The following SYCE1L variants were observed in gnomAD, a reference collection of about 807,000 sequenced individuals.
SYCE1L encodes the protein synaptonemal complex central element protein 1 like, also known as synaptonemal complex central element protein 1-like.
A neutral mutation model predicts 39.6 loss-of-function variants in SYCE1L; 51 were observed. That is an observed-to-expected ratio of 1.29 (90% CI 1.03 to 1.63). The LOEUF is 1.63. SYCE1L is among the 40% of genes most tolerant of loss of function. The probability of loss-of-function intolerance (pLI) is 0.00; values close to 1 mark genes in which losing one functional copy is unlikely to be tolerated. For synonymous variants in SYCE1L, 147 were observed against 122.4 expected (o/e 1.20, Z -1.33); for missense variants, 426 against 304.9 (o/e 1.40, Z -2.96).
At chr16:77,208,104 T>G in intron 2 of SYCE1L, 106 bp from the exon 3 acceptor site, 1 of 1,176,358 alleles carries the variant, frequency 8.5e-7, no homozygotes, top group Non-Finnish European at 1.2e-6. Flanking sequence ...AGGCGCTCAA[T>G]ATATGCCGGT....
chr16:77,207,364 A>C (rs890383851), intron 2 of SYCE1L, among the ~76,000 whole-genome samples: 1 of 152,166 alleles, frequency 6.6e-6, no homozygotes, highest in Non-Finnish European at 1.5e-5. Flanking sequence ...GCAACCTTGA[A>C]GCCAGAGAGG....
At position 77,211,223 on chromosome 16, in the gene SYCE1L, A is replaced by T; in HGVS notation, c.370A>T (p.Arg124Ter). The change falls in exon 7 of 11, where the codon AGA becomes TGA. Residue 124 changes from arginine to a stop codon, truncating the protein, a stop_gained. Coordinates refer to ENST00000378644, the MANE Select transcript of SYCE1L (RefSeq NM_001129979.3). LOFTEE classifies it high-confidence loss of function. ...GGTGTCGGCCTCCAGGTTGGATGTC[A>T]GAGGACAGCTGGAGGATCTGATGGG... is the stretch of plus-strand genomic sequence containing the variant. ...KESEAQRLDV[R>*]GQLEDLMGQH... is the part of the protein sequence containing the mutation. The T allele has an allele frequency of 6.4e-7, 1 of 1,551,978 alleles. No homozygotes were observed. Among genetic ancestry groups the T allele is most frequent in the Non-Finnish European group, 8.7e-7 (1 of 1,147,068 alleles).
intron 7 of SYCE1L, among the ~76,000 whole-genome samples, 162 bp from the exon 8 acceptor site, chr16:77,211,968 G>C (rs755255): frequency 0.1 from 15,807 of 152,050 alleles, 1,027 homozygotes; most frequent in East Asian, 0.29. Flanking sequence ...GAGGTGGGTG[G>C]GTCTCCAGCC....
intron 2 of SYCE1L, 149 bp from the exon 3 acceptor site, chr16:77,208,061 T>G: frequency 2.6e-6 from 2 of 762,062 alleles, no homozygotes; most frequent in Non-Finnish European, 4.1e-6. Flanking sequence ...ATGCAAGCCC[T>G]TCAAGGGGCT....
intron 1 of SYCE1L, chr16:77,201,402 A>T (rs1197985486): frequency 6.6e-6 from 1 of 152,246 alleles, no homozygotes; most frequent in East Asian, 1.9e-4. Context: ...AAATTGAAGG[A>T]TGTATCAAGT....
intron 8 of SYCE1L, 23 bp downstream of exon 8, chr16:77,212,222 G>C (rs2054828122): frequency 1.3e-6 from 2 of 1,544,454 alleles, no homozygotes; most frequent in Non-Finnish European, 1.7e-6. Flanking sequence ...CGCCAGGTGG[G>C]CGGGGGGAGG....
intron 1 of SYCE1L, among the ~76,000 whole-genome samples, chr16:77,203,548 A>G (rs2054761793): frequency 6.6e-6 from 1 of 151,566 alleles, no homozygotes; most frequent in Admixed American, 6.6e-5. Flanking sequence ...TTCAGCCTGC[A>G]AACATGCTGT....
At chr16:77,212,075 G>A in intron 7 of SYCE1L, 55 bp from the exon 8 acceptor site, 4 of 1,512,664 alleles carry the variant, frequency 2.6e-6, no homozygotes, top group Non-Finnish European at 3.5e-6. Context: ...GGGAGGGGCG[G>A]GCCGTGTAGC....
At chr16:77,199,594 A>G in intron 1 of SYCE1L, 82 bp downstream of exon 1, 1 of 1,089,086 alleles carries the variant, frequency 9.2e-7, no homozygotes, top group Non-Finnish European at 1.3e-6. Context: ...ACAATAATGA[A>G]ATAATGATAT....
rs562507896 is a variant in SYCE1L at position 77,213,026 on chromosome 16, T to A, written c.*95T>A. ...CCATGCTCGCGTTCTCCGCGGAGTCTGTGCTACACCGTGGAGCGGGGCGGG... is the reference window on the plus strand; with the variant it reads ...CCATGCTCGCGTTCTCCGCGGAGTCAGTGCTACACCGTGGAGCGGGGCGGG... On this transcript the variant is annotated 3_prime_UTR_variant, in exon 11 of 11. Coordinates refer to ENST00000378644, the MANE Select transcript of SYCE1L (RefSeq NM_001129979.3). The A allele has an allele frequency of 6.6e-6, 8 of 1,217,752 alleles. No homozygotes were observed. The South Asian group carries it at 1.1e-4, about 16-fold the overall frequency. 75.4% of individuals were successfully genotyped at this position (1,217,752 alleles called of 1,614,324 possible).
chr16:77,207,706 T>C (rs1261667004), intron 2 of SYCE1L, among the ~76,000 whole-genome samples: 1 of 152,140 alleles, frequency 6.6e-6, no homozygotes, highest in Non-Finnish European at 1.5e-5. Flanking sequence ...CCACCTTACT[T>C]TCTGCTACTC....
chr16:77,204,568 C>G (rs759900322), intron 1 of SYCE1L, among the ~76,000 whole-genome samples: 16 of 152,142 alleles, frequency 1.1e-4, no homozygotes, highest in Non-Finnish European at 1.5e-5. Flanking sequence ...TGCCTTGTAA[C>G]AGCAAAATAA....
At position 77,213,139 on chromosome 16, in the gene SYCE1L, C is replaced by G. The variant is rs1597040475; in HGVS notation, c.*208C>G. On this transcript the variant is annotated 3_prime_UTR_variant, in exon 11 of 11. Transcript: ENST00000378644. ...CCGTACAGAGGCTGGGTAAATGCTC[C>G]TGAACTCAGAGAGAGTAAGTGGGTG... The G allele has an allele frequency of 6.8e-6, 3 of 442,474 alleles. No individual in the cohort carries two copies. Among genetic ancestry groups the G allele is most frequent in the East Asian group, 7.0e-5 (2 of 28,456 alleles). The allele number at this position is 442,474 out of a possible 1,614,324, so 27.4% of individuals were successfully genotyped here. A position where few individuals can be genotyped will look rare whatever the true frequency, so the allele number is the denominator to read the frequency against.
At chr16:77,199,741 G>A (rs961608100) in intron 1 of SYCE1L, 5 of 456,450 alleles carry the variant, frequency 1.1e-5, no homozygotes, top group Non-Finnish European at 1.9e-5. Context: ...TAGTGTATAC[G>A]TTGTTGAAAG....
At chr16:77,211,460 G>T (rs935519117) in intron 7 of SYCE1L, among the ~76,000 whole-genome samples, 184 bp downstream of exon 7, 2 of 151,998 alleles carry the variant, frequency 1.3e-5, no homozygotes, top group African/African-American at 4.8e-5. Flanking sequence ...GCCTCACCAT[G>T]CCCCACTGCC....
At chr16:77,206,976 C>T (rs142877030) in intron 2 of SYCE1L, among the ~76,000 whole-genome samples, 1 of 152,182 alleles carries the variant, frequency 6.6e-6, no homozygotes, top group African/African-American at 2.4e-5. Context: ...GTGAGACCCC[C>T]AGCCCATTCT....
rs1312352158 is a variant in SYCE1L, at chr16:77,212,577, G to A, written c.585G>A (p.Leu195=). The A allele has an allele frequency of 2.0e-6, 3 of 1,536,614 alleles. No homozygotes were observed. In the African/African-American group the frequency reaches 4.1e-5, roughly 21 times the overall value. ...VEGAMAVNDG[L]KAELEIFGEQ... is the part of the protein sequence containing the mutation. ...CTCCTCGGCCCCTTCTCCGCAGGCTGAAGGCGGAGCTGGAGATATTCGGGG... is the reference window on the plus strand; with the variant it reads ...CTCCTCGGCCCCTTCTCCGCAGGCTAAAGGCGGAGCTGGAGATATTCGGGG... The change falls in exon 10 of 11, where the codon CTG becomes CTA. Residue 195 remains leucine, a synonymous_variant. Transcript: ENST00000378644.
chr16:77,201,245 A>G (rs929896777), intron 1 of SYCE1L: 1 of 152,222 alleles, frequency 6.6e-6, no homozygotes, highest in African/African-American at 2.4e-5. Context: ...CATTCAACAA[A>G]AGACAGACGG....
intron 5 of SYCE1L, 131 bp from the exon 6 acceptor site, chr16:77,209,286 C>G: frequency 7.5e-7 from 1 of 1,336,278 alleles, no homozygotes; most frequent in South Asian, 1.3e-5. Context: ...TGGATTGCTA[C>G]ATCACTTGGA....
Sources: allele counts gnomAD v4.1 joint callset (sites outside exome capture counted in the v4.1 genomes callset), GRCh38; gene constraint gnomAD v4.1.1; transcripts MANE v1.5; gene names NCBI Gene and HGNC (gene_info 2026-07-23, HGNC 2026-07-21).